The following PCDHA1 variants were observed in gnomAD, a reference collection of about 807,000 sequenced individuals.
PCDHA1 encodes the protein protocadherin alpha 1.
A neutral mutation model predicts 61.3 loss-of-function variants in PCDHA1; 42 were observed. That is an observed-to-expected ratio of 0.69 (90% CI 0.54 to 0.89). The LOEUF (loss-of-function observed/expected upper bound fraction) is 0.89. PCDHA1 is among the 40% of genes least tolerant of loss of function. The pLI is 0.00. For missense variants in PCDHA1, 1,256 were observed against 1,235.3 expected (o/e 1.02, Z -0.25); for synonymous variants, 610 against 553.8 (o/e 1.10, Z -1.43).
At chr5:141,003,424 G>A (rs1431935325) in intron 3 of PCDHA1, among the ~76,000 whole-genome samples, 1 of 152,122 alleles carries the variant, frequency 6.6e-6, no homozygotes, top group Non-Finnish European at 1.5e-5. Context: ...TGATTCTTAT[G>A]CCTCAGCCTC....
chr5:140,897,214 G>A (rs1355389573), intron 1 of PCDHA1, among the ~76,000 whole-genome samples: 1 of 151,764 alleles, frequency 6.6e-6, no homozygotes, highest in Non-Finnish European at 1.5e-5. Flanking sequence ...TTAAGTTTTA[G>A]GGTACATGTG....
chr5:140,787,808 C>G lies in PCDHA1; in HGVS notation c.1518C>G (p.Asn506Lys), dbSNP rs782679329. The G allele has an allele frequency of 6.2e-7, 1 of 1,612,600 alleles. No homozygotes were observed. The highest frequency in any genetic ancestry group is 1.1e-5 in the South Asian group (1 of 91,014). ...GGGTGGGCGAGCGCGCGCTGTCGAA[C>G]TACGTGTCAGTGCACGCGGAGAGCG... ...ERRVGERALS[N>K]YVSVHAESGK... Residue 506 changes from asparagine to lysine, a missense_variant, in exon 1 of 4, where the codon AAC (asparagine) becomes AAG (lysine). Transcript: ENST00000504120.
At chr5:140,824,529 G>A (rs1463517451) in intron 1 of PCDHA1, 2 of 197,184 alleles carry the variant, frequency 1.0e-5, no homozygotes, top group South Asian at 1.2e-4. Flanking sequence ...ATAGCTCACC[G>A]AAGCCTGAAA....
At position 141,011,492 on chromosome 5, in the gene PCDHA1, A is replaced by T. The variant is rs2098420803; in HGVS notation, c.*1555A>T. On this transcript the variant is annotated 3_prime_UTR_variant, in exon 4 of 4. Coordinates refer to ENST00000504120, the MANE Select transcript of PCDHA1 (RefSeq NM_018900.4). ...AATTCCATTATATTTCCTTTTGTAC[A>T]CCTGTGAAAAAGTGGAGTAGTGTTT... The T allele has an allele frequency of 1.3e-5, 2 of 153,698 alleles. No individual in the cohort carries two copies. The highest frequency in any genetic ancestry group is 2.9e-5 in the Non-Finnish European group (2 of 68,026). 9.5% of individuals were successfully genotyped at this position (153,698 alleles called of 1,614,324 possible).
chr5:140,982,661 T>C, intron 3 of PCDHA1, 98 bp downstream of exon 3: 1 of 1,482,624 alleles, frequency 6.7e-7, no homozygotes, highest in Admixed American at 2.6e-5. Flanking sequence ...TCTTTTTCTT[T>C]TATATTTTTG....
At chr5:140,927,793 C>A in intron 1 of PCDHA1, 1 of 1,614,180 alleles carries the variant, frequency 6.2e-7, no homozygotes, top group Non-Finnish European at 8.5e-7. Context: ...TTCACTAGGT[C>A]CGCCTGAAAC....
chr5:140,976,414 G>A (rs1242756697), intron 1 of PCDHA1, among the ~76,000 whole-genome samples: 2 of 151,998 alleles, frequency 1.3e-5, no homozygotes, highest in African/African-American at 2.4e-5. Context: ...AGCCAGGTAC[G>A]GTGGCAGATG....
chr5:140,966,047 T>G (rs1463127286), intron 1 of PCDHA1, among the ~76,000 whole-genome samples: 1 of 152,214 alleles, frequency 6.6e-6, no homozygotes, highest in Admixed American at 6.5e-5. Flanking sequence ...CCATCGCCAG[T>G]AACCCCAGAG....
intron 1 of PCDHA1, chr5:140,857,672 C>T: frequency 2.5e-6 from 4 of 1,596,908 alleles, no homozygotes; most frequent in Middle Eastern, 3.8e-4. Context: ...TGGGGGCGTG[C>T]CGCCTCTGGG....
intron 1 of PCDHA1, among the ~76,000 whole-genome samples, chr5:140,819,486 C>T (rs1554127699): frequency 6.6e-6 from 1 of 152,094 alleles, no homozygotes. Context: ...GATGCTTAAA[C>T]ATGACTGAAA....
At chr5:140,882,208 G>C (rs1554173113) in intron 1 of PCDHA1, 2 of 1,531,598 alleles carry the variant, frequency 1.3e-6, no homozygotes, top group East Asian at 4.5e-5. Flanking sequence ...GGCCTTGAGA[G>C]ACAGTTTGAG....
chr5:140,982,963 A>G (rs2097017646), intron 3 of PCDHA1, among the ~76,000 whole-genome samples: 1 of 151,972 alleles, frequency 6.6e-6, no homozygotes, highest in South Asian at 2.1e-4. Context: ...AAACCCACCC[A>G]AAGTAGTAAG....
chr5:140,918,899 C>G (rs2078917474), intron 1 of PCDHA1, among the ~76,000 whole-genome samples: 1 of 152,206 alleles, frequency 6.6e-6, no homozygotes, highest in African/African-American at 2.4e-5. Context: ...AAATAAATCT[C>G]TCTTGTTTAT....
chr5:140,976,550 CATAA>C (rs782672542), intron 1 of PCDHA1, among the ~76,000 whole-genome samples: 4 of 151,944 alleles, frequency 2.6e-5, no homozygotes, highest in South Asian at 2.1e-4. Flanking sequence ...GACCCTATCT[CATAA>C]ATAAATAAAT....
chr5:140,876,486 G>A, intron 1 of PCDHA1: 1 of 1,614,014 alleles, frequency 6.2e-7, no homozygotes, highest in Non-Finnish European at 8.5e-7. Context: ...TGGTCCTGGT[G>A]GAAGTTCTGG....
chr5:140,919,795 A>G (rs1554199259), intron 1 of PCDHA1, among the ~76,000 whole-genome samples: 1 of 152,070 alleles, frequency 6.6e-6, no homozygotes, highest in East Asian at 1.9e-4. Context: ...CTTGTGGTGG[A>G]TTGAATTGTG....
intron 3 of PCDHA1, among the ~76,000 whole-genome samples, chr5:140,990,589 C>G (rs1208213426): frequency 6.6e-6 from 1 of 152,196 alleles, no homozygotes; most frequent in African/African-American, 2.4e-5. Flanking sequence ...TTCCTATAAT[C>G]ACCTGGAGTC....
intron 1 of PCDHA1, chr5:140,823,215 C>T (rs916835953): frequency 6.2e-7 from 1 of 1,613,770 alleles, no homozygotes; most frequent in South Asian, 1.1e-5. Flanking sequence ...CTGCACGGGA[C>T]GCGGACGCGC....
chr5:140,917,483 G>C (rs1237773555), intron 1 of PCDHA1, among the ~76,000 whole-genome samples: 1 of 152,152 alleles, frequency 6.6e-6, no homozygotes, highest in Non-Finnish European at 1.5e-5. Flanking sequence ...CTTTGCCAGG[G>C]CCTATGCCCA....
Sources: allele counts gnomAD v4.1 joint callset (sites outside exome capture counted in the v4.1 genomes callset), GRCh38; gene constraint gnomAD v4.1.1; transcripts MANE v1.5; gene names NCBI Gene and HGNC (gene_info 2026-07-23, HGNC 2026-07-21).